ATP8A2: variants seen among roughly 807,000 people sequenced by gnomAD.
ATP8A2 encodes phospholipid-transporting ATPase IB.
In ATP8A2, 100 loss-of-function variants were observed where a neutral mutation model predicts 165.6. The observed-to-expected ratio is 0.60, with a 90% CI of 0.51 to 0.71. The LOEUF (loss-of-function observed/expected upper bound fraction) is 0.71. ATP8A2 is among the 30% of genes least tolerant of loss of function. The pLI is 0.00. For synonymous variants in ATP8A2, 543 were observed against 548.8 expected (o/e 0.99, Z 0.15); for missense variants, 1,227 against 1,479.5 (o/e 0.83, Z 2.80).
At chr13:25,661,953 A>G (rs1427918113) in intron 24 of ATP8A2, among the ~76,000 whole-genome samples, 2 of 152,336 alleles carry the variant, frequency 1.3e-5, no homozygotes, top group South Asian at 2.1e-4. Flanking sequence ...GGGACTGAGT[A>G]TCTGTTTCCT....
chr13:25,553,940 T>C lies in ATP8A2; in HGVS notation c.1185+20T>C. The C allele has an allele frequency of 6.2e-7, 1 of 1,602,096 alleles. No homozygotes were observed. Among genetic ancestry groups the C allele is most frequent in the Non-Finnish European group, 8.5e-7 (1 of 1,175,386 alleles). ...AACTGGGTGAGTATTAAAGCAGAGT[T>C]GAATCACTATTTTCCAATGCTATTT... On this transcript the variant is annotated intron_variant, in intron 12 of 36. Transcript: ENST00000381655.
rs114975905 is a variant in ATP8A2 at position 25,522,127 on chromosome 13, T to A, written c.222-7872T>A. 3.2e-3 allele frequency among the ~76,000 whole-genome samples: 487 copies of A among 152,314 alleles called. 5 individuals are homozygous for A. The highest frequency in any genetic ancestry group is 0.011 in the African/African-American group (463 of 41,570). On this transcript the variant is annotated intron_variant, in intron 2 of 36. Transcript: ENST00000381655. ...TGGAATATCTTTCCATTCTTTGGTGTCCTCTTCAATTTATTTCATCAGTGT... is the reference window on the plus strand; with the variant it reads ...TGGAATATCTTTCCATTCTTTGGTGACCTCTTCAATTTATTTCATCAGTGT...
At chr13:25,582,263 G>A (rs1222110047) in intron 23 of ATP8A2, among the ~76,000 whole-genome samples, 1 of 152,194 alleles carries the variant, frequency 6.6e-6, no homozygotes, top group Non-Finnish European at 1.5e-5. Context: ...GAGACTAAGA[G>A]AGCATGTTTT....
intron 1 of ATP8A2, among the ~76,000 whole-genome samples, chr13:25,451,927 T>C (rs1352203100): frequency 1.3e-5 from 2 of 151,452 alleles, no homozygotes; most frequent in Non-Finnish European, 2.9e-5. Flanking sequence ...TGATCTCGGC[T>C]CACTGTGACC....
rs536251656 is a variant in ATP8A2 at position 25,782,594 on chromosome 13, C to T, written c.2679+7635C>T. On this transcript the variant is annotated intron_variant, in intron 27 of 36. Coordinates refer to ENST00000381655, the MANE Select transcript of ATP8A2 (RefSeq NM_016529.6). The stretch of plus-strand genomic sequence containing the variant: ...TCAGATGCCAAAATTTGTGGATACT[C>T]AAGTCCCTTATATAAAATAGTGTAG... 7.2e-5 allele frequency among the ~76,000 whole-genome samples: 11 copies of T among 152,308 alleles called. No homozygotes were observed. The East Asian group carries it at 2.1e-3, about 29-fold the overall frequency.
intron 2 of ATP8A2, among the ~76,000 whole-genome samples, chr13:25,526,078 A>C (rs944354604): frequency 6.6e-6 from 1 of 151,468 alleles, no homozygotes; most frequent in East Asian, 1.9e-4. Context: ...TCATTCTCCT[A>C]CTGACAGCCT....
intron 33 of ATP8A2, among the ~76,000 whole-genome samples, chr13:25,948,758 C>T (rs925901070): frequency 6.6e-5 from 10 of 152,204 alleles, no homozygotes; most frequent in African/African-American, 2.4e-4. Flanking sequence ...TGGGAGGTCT[C>T]TGCAAGCCAG....
chr13:25,555,106 G>T, intron 13 of ATP8A2, 38 bp downstream of exon 13: 1 of 1,425,928 alleles, frequency 7.0e-7, no homozygotes, highest in South Asian at 1.2e-5. Context: ...ATGGTGACAC[G>T]AGCATGAGGG....
At chr13:25,657,253 A>G (rs2041953737) in intron 24 of ATP8A2, among the ~76,000 whole-genome samples, 1 of 152,022 alleles carries the variant, frequency 6.6e-6, no homozygotes, top group Admixed American at 6.6e-5. Context: ...AGCTGTCTGT[A>G]TCCTCTTTTG....
intron 35 of ATP8A2, among the ~76,000 whole-genome samples, chr13:26,011,481 A>T (rs569773450): frequency 6.6e-6 from 1 of 152,296 alleles, no homozygotes; most frequent in South Asian, 2.1e-4. Context: ...TAAAGACTTC[A>T]ACATGTGAAT....
At chr13:25,688,494 T>G (rs2042653169) in intron 24 of ATP8A2, among the ~76,000 whole-genome samples, 2 of 152,228 alleles carry the variant, frequency 1.3e-5, no homozygotes. Flanking sequence ...TTGCTTATTT[T>G]TTTCACTTAC....
In ATP8A2 at chr13:25,530,487, G is replaced by T. The variant is rs2037996442; in HGVS notation, c.322-75G>T. ...AACTGCAAAAGTGTGAAACGTACGT[G>T]ACTGCCGTAATTTTCTGTTCATGGA... is the stretch of plus-strand genomic sequence containing the variant. On this transcript the variant is annotated intron_variant, in intron 3 of 36. Coordinates refer to ENST00000381655, the MANE Select transcript of ATP8A2 (RefSeq NM_016529.6). 6 of 822,256 alleles carry T rather than the reference G, an allele frequency of 7.3e-6. No homozygotes were observed. The Admixed American group carries it at 8.5e-5, about 12-fold the overall frequency. 50.9% of individuals were successfully genotyped at this position (822,256 alleles called of 1,614,324 possible). A position where few individuals can be genotyped will look rare whatever the true frequency, so the allele number is the denominator to read the frequency against.
chr13:25,746,720 CAA>C (rs565073451), intron 25 of ATP8A2, among the ~76,000 whole-genome samples: 49 of 152,308 alleles, frequency 3.2e-4, no homozygotes, highest in African/African-American at 1.2e-3. Context: ...TGCCTCGTCT[CAA>C]GAGCTAAAAA....
At chr13:25,647,932 G>T (rs2041717304) in intron 24 of ATP8A2, among the ~76,000 whole-genome samples, 1 of 151,814 alleles carries the variant, frequency 6.6e-6, no homozygotes, top group South Asian at 2.1e-4. Flanking sequence ...CAGGTGGTTT[G>T]CCTACCTTGG....
intron 25 of ATP8A2, among the ~76,000 whole-genome samples, chr13:25,709,263 T>G (rs953535921): frequency 6.6e-6 from 1 of 152,192 alleles, no homozygotes; most frequent in African/African-American, 2.4e-5. Context: ...GACACACCAA[T>G]CATTAAAGAC....
At position 25,819,304 on chromosome 13, in the gene ATP8A2, A is replaced by G. The variant is rs191320065; in HGVS notation, c.2680-8814A>G. On this transcript the variant is annotated intron_variant, in intron 27 of 36. Coordinates refer to ENST00000381655, the MANE Select transcript of ATP8A2 (RefSeq NM_016529.6). ...CAATAGAAAACTCTCCAAAGATTTT[A>G]TAGATGAGGCCCTGTCATTATCACG... Among the ~76,000 whole-genome samples the G allele has an allele frequency of 6.2e-4, 95 of 152,308 alleles. 1 individual carries two copies. The highest frequency in any genetic ancestry group is 1.0e-3 in the Admixed American group (16 of 15,296).
intron 1 of ATP8A2, among the ~76,000 whole-genome samples, chr13:25,414,818 C>T (rs1035400606): frequency 2.6e-5 from 4 of 152,154 alleles, no homozygotes; most frequent in African/African-American, 9.7e-5. Flanking sequence ...GAGAGAATTG[C>T]CCTTCATTGC....
At chr13:25,501,713 C>T (rs1482332365) in intron 2 of ATP8A2, among the ~76,000 whole-genome samples, 1 of 152,176 alleles carries the variant, frequency 6.6e-6, no homozygotes, top group Non-Finnish European at 1.5e-5. Flanking sequence ...GACACACATC[C>T]ATGGTTAACT....
At chr13:25,683,323 G>C (rs2042534292) in intron 24 of ATP8A2, among the ~76,000 whole-genome samples, 1 of 152,132 alleles carries the variant, frequency 6.6e-6, no homozygotes, top group Non-Finnish European at 1.5e-5. Flanking sequence ...TGTCCCTGTG[G>C]ACTGCAGTTG....
Sources: allele counts gnomAD v4.1 joint callset (sites outside exome capture counted in the v4.1 genomes callset), GRCh38; gene constraint gnomAD v4.1.1; transcripts MANE v1.5; gene names NCBI Gene and HGNC (gene_info 2026-07-23, HGNC 2026-07-21).